The following AP1M1 variants were observed in gnomAD, a reference collection of about 807,000 sequenced individuals.
AP1M1 encodes the protein AP-1 complex subunit mu-1.
A neutral mutation model predicts 57.1 loss-of-function variants in AP1M1; 18 were observed. The ratio of observed to expected loss-of-function variants is 0.32; its 90% CI spans 0.22 to 0.47. The LOEUF (loss-of-function observed/expected upper bound fraction) is 0.47, where lower values mean the gene tolerates loss of function less well. Among genes scored for constraint, AP1M1 ranks in the 20% least tolerant of loss-of-function variants. The pLI, the probability that AP1M1 is intolerant of heterozygous loss-of-function variation, is 1.00. For missense variants in AP1M1, 362 were observed against 593.5 expected (o/e 0.61, Z 4.05); for synonymous variants, 241 against 237.9 (o/e 1.01, Z -0.12).
chr19:16,200,950 A>C (rs1268018341), intron 1 of AP1M1, among the ~76,000 whole-genome samples: 3 of 151,914 alleles, frequency 2.0e-5, no homozygotes, highest in Non-Finnish European at 4.4e-5. Flanking sequence ...TCCATGGGCC[A>C]GTGACTCTCA....
intron 5 of AP1M1, among the ~76,000 whole-genome samples, chr19:16,211,272 T>G (rs1240170360): frequency 2.0e-5 from 3 of 152,100 alleles, no homozygotes; most frequent in Admixed American, 2.0e-4. Context: ...TTTTGTATTT[T>G]TAGTCGAGAC....
Position 16,240,410 on chromosome 19 carries a change from C to A in AP1M1, c.*5975C>A, listed in dbSNP as rs1310295217. On this transcript the variant is annotated 3_prime_UTR_variant, in exon 12 of 12. Coordinates refer to ENST00000291439, the MANE Select transcript of AP1M1 (RefSeq NM_032493.4). The stretch of plus-strand genomic sequence containing the variant: ...GGGGAGCAGCCACATGCAAAGAGAT[C>A]GTGGCCAGAATTTTCCAAAATTAAT... The A allele has an allele frequency of 6.6e-5, 10 of 152,042 alleles. No homozygotes were observed. Among genetic ancestry groups the A allele is most frequent in the African/African-American group, 2.4e-4 (10 of 41,404 alleles). The allele number at this position is 152,042 out of a possible 1,614,324, so 9.4% of individuals were successfully genotyped here.
chr19:16,222,817 G>A (rs1054925779), intron 5 of AP1M1, among the ~76,000 whole-genome samples: 1 of 152,096 alleles, frequency 6.6e-6, no homozygotes, highest in Admixed American at 6.6e-5. Flanking sequence ...GACTTGCTGT[G>A]TTGCCCAGGC....
intron 5 of AP1M1, among the ~76,000 whole-genome samples, chr19:16,226,122 G>A (rs2091570054): frequency 1.2e-5 from 1 of 81,486 alleles, no homozygotes; most frequent in Non-Finnish European, 4.0e-5. Flanking sequence ...TCAGGTCCCA[G>A]TGTGGCCTGA....
chr19:16,220,048 G>A (rs1568352409), intron 5 of AP1M1, among the ~76,000 whole-genome samples: 1 of 152,122 alleles, frequency 6.6e-6, no homozygotes, highest in Non-Finnish European at 1.5e-5. Flanking sequence ...TCTGGTTTTG[G>A]TATCAAGGTA....
chr19:16,210,356 C>G (rs1476984741), intron 5 of AP1M1: 7 of 718,278 alleles, frequency 9.7e-6, no homozygotes, highest in Non-Finnish European at 1.8e-5. Flanking sequence ...TTTCATCTCT[C>G]TAGGGTAAAT....
intron 4 of AP1M1, 88 bp downstream of exon 4, chr19:16,208,237 T>C: frequency 2.1e-6 from 3 of 1,436,778 alleles, no homozygotes; most frequent in East Asian, 4.7e-5. Context: ...AGGGGCAAAT[T>C]TGTGTTCATG....
At chr19:16,210,761 T>C (rs913545112) in intron 5 of AP1M1, among the ~76,000 whole-genome samples, 14 of 152,182 alleles carry the variant, frequency 9.2e-5, no homozygotes, top group African/African-American at 3.1e-4. Flanking sequence ...GGTTTCACCA[T>C]GTTGGCCAGG....
At position 16,233,491 on chromosome 19, in the gene AP1M1, AG is replaced by A; in HGVS notation, c.1049del. 6.3e-7 allele frequency: 1 copy of A among 1,599,108 alleles called. No homozygotes were observed. On this transcript the variant is annotated splice_acceptor_variant, in intron 9 of 11. Transcript: ENST00000291439. LOFTEE classifies it high-confidence loss of function. ...TGAGCGCCTCCCCCGTCTGCTCCCC[AG>A]GGCGGCAAGGAGTACCTGATGCGGG...
In AP1M1 at chr19:16,227,543, C is replaced by T. The variant is rs1478181059; in HGVS notation, c.674-5C>T. ...GATCTGTCCTACCCTCACCCCTGACCCCAGGCGGCAAAAGCAAATCCGTGG... is the reference window on the plus strand; with the variant it reads ...GATCTGTCCTACCCTCACCCCTGACTCCAGGCGGCAAAAGCAAATCCGTGG... On this transcript the variant is annotated splice_region_variant and splice_polypyrimidine_tract_variant and intron_variant, in intron 6 of 11. Transcript: ENST00000291439. The surrounding 1 kb of genome is among the most constrained non-coding windows in gnomAD (Gnocchi z 6.2). The T allele has an allele frequency of 1.2e-6, 2 of 1,613,644 alleles. No homozygotes were observed. The highest frequency in any genetic ancestry group is 2.2e-5 in the East Asian group (1 of 44,860).
At position 16,245,551 on chromosome 19, in the gene AP1M1, G is replaced by A. The variant is rs2091661725; in HGVS notation, c.*11116G>A. On this transcript the variant is annotated 3_prime_UTR_variant, in exon 12 of 12. Coordinates refer to ENST00000291439, the MANE Select transcript of AP1M1 (RefSeq NM_032493.4). ...CTGCCTCGGCCTCCCAAAGTGCGGG[G>A]AGACCAGAATTCCACCCAGAATGAC... is the stretch of plus-strand genomic sequence containing the variant. The A allele has an allele frequency of 6.6e-6, 1 of 152,500 alleles. No individual in the cohort carries two copies. Among genetic ancestry groups the A allele is most frequent in the African/African-American group, 2.4e-5 (1 of 41,452 alleles). 9.4% of individuals were successfully genotyped at this position (152,500 alleles called of 1,614,324 possible).
At chr19:16,204,124 G>C (rs1328378280) in intron 2 of AP1M1, among the ~76,000 whole-genome samples, 1 of 152,130 alleles carries the variant, frequency 6.6e-6, no homozygotes, top group Non-Finnish European at 1.5e-5. Flanking sequence ...GCTGCTGAGT[G>C]GGGCAAGACT....
intron 1 of AP1M1, among the ~76,000 whole-genome samples, chr19:16,200,140 C>CAGGGGA (rs796680980): frequency 5.9e-5 from 9 of 152,300 alleles, no homozygotes; most frequent in African/African-American, 1.7e-4. Context: ...CTCGGTCTAG[C>CAGGGGA]AGGGGAGTCA....
chr19:16,206,248 G>C lies in AP1M1; in HGVS notation c.200-93G>C, dbSNP rs1171410603. 2 of 1,300,014 alleles carry C rather than the reference G, an allele frequency of 1.5e-6. No homozygotes were observed. Among genetic ancestry groups the C allele is most frequent in the African/African-American group, 1.5e-5 (1 of 68,570 alleles). The allele number at this position is 1,300,014 out of a possible 1,614,324, so 80.5% of individuals were successfully genotyped here. A position where few individuals can be genotyped will look rare whatever the true frequency, so the allele number is the denominator to read the frequency against. ...GAGTGGGGATAGGGAAGGCTCTGAG[G>C]GTTGTGAGGGTTAGGGGGTCCCTCC... On this transcript the variant is annotated intron_variant, in intron 2 of 11. Transcript: ENST00000291439. The surrounding 1 kb of genome is among the most constrained non-coding windows in gnomAD (Gnocchi z 4.3).
At chr19:16,213,345 T>A (rs1370314856) in intron 5 of AP1M1, among the ~76,000 whole-genome samples, 1 of 152,212 alleles carries the variant, frequency 6.6e-6, no homozygotes, top group Non-Finnish European at 1.5e-5. Context: ...GCAATGCACT[T>A]CTTTGTCTTT....
At chr19:16,229,816 T>G (rs2091588347) in intron 9 of AP1M1, among the ~76,000 whole-genome samples, 1 of 152,224 alleles carries the variant, frequency 6.6e-6, no homozygotes, top group Non-Finnish European at 1.5e-5. Context: ...CTGCGTATTT[T>G]GCTTTTCCTC....
intron 10 of AP1M1, 96 bp downstream of exon 10, chr19:16,233,714 CT>C: frequency 1.4e-6 from 2 of 1,457,238 alleles, no homozygotes; most frequent in East Asian, 4.8e-5. Flanking sequence ...TGTCAGTCAG[CT>C]GCAATCAGGA....
rs1240275582 is a variant in AP1M1 at position 16,236,262 on chromosome 19, T to C, written c.*1827T>C. 6.6e-6 allele frequency: 1 copy of C among 152,164 alleles called. No homozygotes were observed. Among genetic ancestry groups the C allele is most frequent in the Admixed American group, 6.6e-5 (1 of 15,264 alleles). 9.4% of individuals were successfully genotyped at this position (152,164 alleles called of 1,614,324 possible). On this transcript the variant is annotated 3_prime_UTR_variant, in exon 12 of 12. Coordinates refer to ENST00000291439, the MANE Select transcript of AP1M1 (RefSeq NM_032493.4). Reference sequence around the variant, plus strand: ...CACCGCAGGGACAGGAGAGGGCTGGTCCACAGGACAGAAGAGAGACTTCAG... The same window carrying C: ...CACCGCAGGGACAGGAGAGGGCTGGCCCACAGGACAGAAGAGAGACTTCAG...
chr19:16,217,984 A>T (rs532131511), intron 5 of AP1M1, among the ~76,000 whole-genome samples: 13 of 152,336 alleles, frequency 8.5e-5, no homozygotes, highest in African/African-American at 3.1e-4. Flanking sequence ...TCAGTTTGCC[A>T]TTGCCGTGGC....
Sources: gnomAD v4.1 joint callset for allele counts (sites outside exome capture counted in the v4.1 genomes callset) on GRCh38, gnomAD v4.1.1 for gene constraint, Gnocchi (gnomAD v3.1) non-coding constraint, MANE v1.5 for transcripts, NCBI Gene and HGNC (gene_info 2026-07-23, HGNC 2026-07-21) for gene names.